Variants in SCRN1 observed in about 807,000 individuals in gnomAD.
The protein encoded by SCRN1 is secernin-1.
Under a neutral mutation model 43.3 loss-of-function variants are expected in SCRN1, and 19 were observed. The observed-to-expected ratio is 0.44, with a 90% CI of 0.31 to 0.64. The LOEUF (loss-of-function observed/expected upper bound fraction) is 0.64, where lower values mean the gene tolerates loss of function less well. Among genes scored for constraint, SCRN1 ranks in the 30% least tolerant of loss-of-function variants. SCRN1 has a pLI of 0.09. For missense variants in SCRN1, 447 were observed against 524.1 expected (o/e 0.85, Z 1.44); for synonymous variants, 183 against 188.9 (o/e 0.97, Z 0.26).
upstream of SCRN1, chr7:29,989,983 G>C: frequency 1.5e-6 from 2 of 1,363,196 alleles, no homozygotes; most frequent in African/African-American, 1.5e-5. Context: ...AGGAGCGGCC[G>C]AGAGGGCGTA....
intron 3 of SCRN1, among the ~76,000 whole-genome samples, chr7:29,948,550 T>C (rs74373912): frequency 5.0e-4 from 76 of 152,380 alleles, no homozygotes; most frequent in Non-Finnish European, 5.6e-4. Context: ...CTTTTGTGAT[T>C]TTTAACATGC....
chr7:29,954,975 C>T (rs913965423), intron 3 of SCRN1, among the ~76,000 whole-genome samples: 1 of 152,186 alleles, frequency 6.6e-6, no homozygotes, highest in Non-Finnish European at 1.5e-5. Context: ...GCCACCATGC[C>T]CAGCCACTTG....
intron 2 of SCRN1, 152 bp downstream of exon 2, chr7:29,968,757 T>C: frequency 1.1e-6 from 1 of 914,290 alleles, no homozygotes; most frequent in Non-Finnish European, 1.7e-6. Context: ...TTTTCAAGGC[T>C]ATGAGCAAAC....
intron 1 of SCRN1, among the ~76,000 whole-genome samples, chr7:29,984,657 G>A (rs868257924): frequency 4.0e-5 from 6 of 151,854 alleles, no homozygotes; most frequent in South Asian, 2.1e-4. Context: ...AGGGCCAGGC[G>A]TGGTGGCTCA....
At chr7:29,963,352 A>G (rs1201212177) in intron 2 of SCRN1, among the ~76,000 whole-genome samples, 1 of 152,166 alleles carries the variant, frequency 6.6e-6, no homozygotes, top group African/African-American at 2.4e-5. Flanking sequence ...GGAGGAGTGG[A>G]TATTGGTGTT....
At chr7:29,962,017 T>C (rs775971476) in intron 2 of SCRN1, among the ~76,000 whole-genome samples, 1 of 151,570 alleles carries the variant, frequency 6.6e-6, no homozygotes, top group Non-Finnish European at 1.5e-5. Context: ...GAATGAGGAG[T>C]CCACACGACT....
chr7:29,923,969 CT>C lies in SCRN1; in HGVS notation c.1232del (p.Lys411SerfsTer15). The C allele has an allele frequency of 6.2e-7, 1 of 1,612,026 alleles. No homozygotes were observed. The highest frequency in any genetic ancestry group is 1.1e-5 in the South Asian group (1 of 90,654). On this transcript the variant is annotated frameshift_variant, in exon 8 of 8. Coordinates refer to ENST00000242059, the MANE Select transcript of SCRN1 (RefSeq NM_014766.5). LOFTEE classifies it high-confidence loss of function. ...GGGAACGCTTACTTCACTTAAAGAA[CT>C]TAATCTCCGTGTCAACACAGTCATA... ...LFYDCVDTEI[K>X]FFK
intron 6 of SCRN1, among the ~76,000 whole-genome samples, chr7:29,928,814 T>C (rs1483405105): frequency 6.6e-6 from 1 of 152,228 alleles, no homozygotes; most frequent in Non-Finnish European, 1.5e-5. Flanking sequence ...GAGTGTTGAA[T>C]GAATGGCTGT....
intron 2 of SCRN1, among the ~76,000 whole-genome samples, chr7:29,959,057 A>G (rs1448053459): frequency 2.6e-5 from 4 of 151,854 alleles, no homozygotes; most frequent in African/African-American, 9.7e-5. Context: ...GAAAATGAAA[A>G]GAAAGATCAG....
chr7:29,955,018 T>C (rs1205019414), intron 3 of SCRN1, among the ~76,000 whole-genome samples, 161 bp downstream of exon 3: 1 of 152,228 alleles, frequency 6.6e-6, no homozygotes, highest in African/African-American at 2.4e-5. Flanking sequence ...TATTCCATTG[T>C]AATCCACTCA....
chr7:29,927,680 T>TC (rs1787014360), intron 6 of SCRN1, among the ~76,000 whole-genome samples: 1 of 152,148 alleles, frequency 6.6e-6, no homozygotes. Flanking sequence ...GACATTTTTT[T>TC]CTCCTCTCAA....
chr7:29,989,756 T>A lies in SCRN1; in HGVS notation c.-116A>T. 1 of 986,456 alleles carries A rather than the reference T, an allele frequency of 1.0e-6. No individual in the cohort carries two copies. The allele number at this position is 986,456 out of a possible 1,614,324, so 61.1% of individuals were successfully genotyped here. On this transcript the variant is annotated 5_prime_UTR_variant, in exon 1 of 8. Transcript: ENST00000242059. ...CTGCGGCGACCTCGGGGGCTGCAGC[T>A]GCAGTGGCGGAGGCGGCCGCCGGGC...
intron 3 of SCRN1, among the ~76,000 whole-genome samples, chr7:29,954,040 A>G (rs1788045860): frequency 6.6e-6 from 1 of 152,208 alleles, no homozygotes; most frequent in Non-Finnish European, 1.5e-5. Context: ...GGACAAAAAA[A>G]GGCATTTCAG....
intron 1 of SCRN1, among the ~76,000 whole-genome samples, chr7:29,975,965 A>C (rs1005552805): frequency 9.9e-5 from 15 of 152,188 alleles, no homozygotes; most frequent in African/African-American, 3.6e-4. Flanking sequence ...GGAGGAGAGG[A>C]GACATTAAAG....
Position 29,989,663 on chromosome 7 carries a change from T to C in SCRN1, c.-23A>G. On this transcript the variant is annotated 5_prime_UTR_variant, in exon 1 of 8. Coordinates refer to ENST00000242059, the MANE Select transcript of SCRN1 (RefSeq NM_014766.5). ...TCACCTGGGGCGGCGGGCTCCGGGC[T>C]CCGCTCTCCGCTCTGCGGTGCTGAG... The C allele has an allele frequency of 1.0e-6, 1 of 985,604 alleles. No homozygotes were observed. The highest frequency in any genetic ancestry group is 1.2e-6 in the Non-Finnish European group (1 of 830,100). The allele number at this position is 985,604 out of a possible 1,614,324, so 61.1% of individuals were successfully genotyped here.
chr7:29,985,330 T>TG lies in SCRN1; in HGVS notation c.-2+4311dup, dbSNP rs1789116131. Reference sequence around the variant, plus strand: ...TAAAGCAGGAGAAATCACTTGAACCTGGGGGGACAGAGGTTGCAGTGAGCT... The same window carrying TG: ...TAAAGCAGGAGAAATCACTTGAACCTGGGGGGGACAGAGGTTGCAGTGAGCT... On this transcript the variant is annotated intron_variant, in intron 1 of 7. Transcript: ENST00000242059. Among the ~76,000 whole-genome samples the TG allele has an allele frequency of 1.4e-5, 2 of 143,294 alleles. 1 individual carries two copies. The highest frequency in any genetic ancestry group is 3.1e-5 in the Non-Finnish European group (2 of 65,394). 94.0% of individuals were successfully genotyped at this position (143,294 alleles called of 152,430 possible).
chr7:29,924,933 A>T (rs911880902), intron 7 of SCRN1, among the ~76,000 whole-genome samples: 1 of 152,156 alleles, frequency 6.6e-6, no homozygotes, highest in African/African-American at 2.4e-5. Context: ...TCCACCTGAG[A>T]GTCATTTGTA....
intron 3 of SCRN1, among the ~76,000 whole-genome samples, chr7:29,947,723 T>A (rs1787779944): frequency 6.6e-6 from 1 of 152,202 alleles, no homozygotes; most frequent in Non-Finnish European, 1.5e-5. Flanking sequence ...TCCCCAAAAA[T>A]TCATATGTTA....
chr7:29,953,322 A>G (rs181692256), intron 3 of SCRN1, among the ~76,000 whole-genome samples: 2 of 152,362 alleles, frequency 1.3e-5, no homozygotes, highest in Non-Finnish European at 2.9e-5. Context: ...ATGTACCCAC[A>G]GAGTCTAGAA....
Sources: allele counts gnomAD v4.1 joint callset (sites outside exome capture counted in the v4.1 genomes callset), GRCh38; gene constraint gnomAD v4.1.1; transcripts MANE v1.5; gene names NCBI Gene and HGNC (gene_info 2026-07-23, HGNC 2026-07-21).